MDFIC2: variants seen among roughly 807,000 people sequenced by gnomAD.
MDFIC2 encodes the protein MyoD family inhibitor domain containing 2.
intron 2 of MDFIC2, among the ~76,000 whole-genome samples, chr3:70,286,718 A>G (rs1327072926): frequency 1.3e-5 from 2 of 151,956 alleles, no homozygotes; most frequent in African/African-American, 4.8e-5. Flanking sequence ...ATTTCTTTTT[A>G]TCCTCTTTTA....
Position 70,235,854 on chromosome 3 carries a change from G to A in MDFIC2, c.89-29064C>T, listed in dbSNP as rs142065783. Among the ~76,000 whole-genome samples, 43 of 152,248 alleles carry A rather than the reference G, an allele frequency of 2.8e-4. No homozygotes were observed. In the East Asian group the frequency reaches 8.1e-3, roughly 29 times the overall value. Reference sequence around the variant, plus strand: ...TCAAAGGTTGATGTGCTACTTAAATGCCACAGCAAAGACAATACATGTTCA... The same window carrying A: ...TCAAAGGTTGATGTGCTACTTAAATACCACAGCAAAGACAATACATGTTCA... On this transcript the variant is annotated intron_variant, in intron 2 of 3. Coordinates refer to ENST00000567252, the MANE Select transcript of MDFIC2 (RefSeq NM_001364677.1).
At chr3:70,258,358 T>C (rs937445211) in intron 2 of MDFIC2, among the ~76,000 whole-genome samples, 1 of 151,984 alleles carries the variant, frequency 6.6e-6, no homozygotes, top group Non-Finnish European at 1.5e-5. Context: ...CGAGCATATA[T>C]GAAGAGAATA....
chr3:70,281,259 A>G (rs545660693), intron 2 of MDFIC2, among the ~76,000 whole-genome samples: 20 of 152,166 alleles, frequency 1.3e-4, no homozygotes, highest in Admixed American at 2.6e-4. Flanking sequence ...TCTTCAAGGT[A>G]ACCTCCCCAG....
At position 70,281,163 on chromosome 3, in the gene MDFIC2, C is replaced by T. The variant is rs551395940; in HGVS notation, c.88+30723G>A. ...GGGTAAAGAGGAAATTTTCTCTTGG[C>T]CCCTACAATTTTAGTGTAGTTGTCA... On this transcript the variant is annotated intron_variant, in intron 2 of 3. Transcript: ENST00000567252. Among the ~76,000 whole-genome samples, 25 of 152,184 alleles carry T rather than the reference C, an allele frequency of 1.6e-4. No individual in the cohort carries two copies. In the South Asian group the frequency reaches 4.2e-3, roughly 25 times the overall value.
intron 2 of MDFIC2, among the ~76,000 whole-genome samples, chr3:70,208,591 C>T (rs1280798285): frequency 6.6e-6 from 1 of 152,046 alleles, no homozygotes; most frequent in Non-Finnish European, 1.5e-5. Context: ...TGAAGCTCCT[C>T]AGGTGATTCC....
intron 2 of MDFIC2, among the ~76,000 whole-genome samples, chr3:70,222,768 A>C (rs560918357): frequency 6.6e-6 from 1 of 152,268 alleles, no homozygotes; most frequent in Admixed American, 6.5e-5. Context: ...GGTGCCTCCT[A>C]TTAAATAATT....
chr3:70,219,848 G>A (rs139308830), intron 2 of MDFIC2, among the ~76,000 whole-genome samples: 3 of 152,218 alleles, frequency 2.0e-5, no homozygotes, highest in Non-Finnish European at 4.4e-5. Flanking sequence ...AGAACATACA[G>A]ATCTCACCTA....
intron 2 of MDFIC2, among the ~76,000 whole-genome samples, chr3:70,292,388 T>G (rs1418452931): frequency 6.6e-6 from 1 of 152,198 alleles, no homozygotes; most frequent in African/African-American, 2.4e-5. Flanking sequence ...AAATCCACTA[T>G]GCCTGACACA....
intron 2 of MDFIC2, among the ~76,000 whole-genome samples, chr3:70,297,704 T>C (rs1304971846): frequency 1.3e-5 from 2 of 152,124 alleles, no homozygotes; most frequent in African/African-American, 4.8e-5. Context: ...AGCATTTGTT[T>C]ATTATTATTT....
Position 70,194,558 on chromosome 3 carries a change from T to C in MDFIC2, c.*2368A>G, listed in dbSNP as rs1241273605. Among the ~76,000 whole-genome samples the C allele has an allele frequency of 2.6e-5, 4 of 152,174 alleles. No individual in the cohort carries two copies. The highest frequency in any genetic ancestry group is 9.7e-5 in the African/African-American group (4 of 41,446). On this transcript the variant is annotated 3_prime_UTR_variant, in exon 4 of 4. Transcript: ENST00000567252. Reference sequence around the variant, plus strand: ...ACTTTGTATAACCGACCCTTTCTGTTATAGCACAGTGAATTCTGAAAGTGA... The same window carrying C: ...ACTTTGTATAACCGACCCTTTCTGTCATAGCACAGTGAATTCTGAAAGTGA...
At chr3:70,299,794 C>T (rs965250783) in intron 2 of MDFIC2, among the ~76,000 whole-genome samples, 3 of 152,096 alleles carry the variant, frequency 2.0e-5, no homozygotes, top group African/African-American at 7.2e-5. Flanking sequence ...TTTAGGTCCT[C>T]TCTACCTTCC....
At chr3:70,253,739 A>G (rs1255578144) in intron 2 of MDFIC2, among the ~76,000 whole-genome samples, 2 of 152,192 alleles carry the variant, frequency 1.3e-5, no homozygotes, top group African/African-American at 4.8e-5. Flanking sequence ...AAGTAAAAAT[A>G]CAAATAAAAA....
intron 2 of MDFIC2, among the ~76,000 whole-genome samples, chr3:70,212,676 A>G (rs373849054): frequency 5.3e-5 from 8 of 152,260 alleles, no homozygotes; most frequent in Admixed American, 3.3e-4. Flanking sequence ...TCAAAATTAT[A>G]CTTTGGACAA....
intron 2 of MDFIC2, chr3:70,249,600 C>G (rs1234870861): frequency 1.3e-5 from 2 of 151,952 alleles, no homozygotes; most frequent in Admixed American, 6.6e-5. Context: ...GCAGGTGCCC[C>G]TGCTGTGAAA....
intron 2 of MDFIC2, among the ~76,000 whole-genome samples, chr3:70,210,197 G>C (rs1701329756): frequency 6.6e-6 from 1 of 152,122 alleles, no homozygotes; most frequent in Admixed American, 6.6e-5. Flanking sequence ...ACAATTTTAA[G>C]TATAGCATTT....
intron 2 of MDFIC2, among the ~76,000 whole-genome samples, chr3:70,263,058 T>G (rs1701882097): frequency 6.6e-6 from 1 of 152,180 alleles, no homozygotes; most frequent in African/African-American, 2.4e-5. Flanking sequence ...GTAATTCATC[T>G]CTCTCTTTAT....
At chr3:70,293,715 A>AT (rs1486201079) in intron 2 of MDFIC2, among the ~76,000 whole-genome samples, 4 of 152,010 alleles carry the variant, frequency 2.6e-5, no homozygotes, top group Non-Finnish European at 5.9e-5. Flanking sequence ...AAGTAACAGG[A>AT]TTTTTTTAAA....
In MDFIC2 at chr3:70,268,691, T is replaced by G. The variant is rs189560183; in HGVS notation, c.88+43195A>C. 2.1e-3 allele frequency among the ~76,000 whole-genome samples: 317 copies of G among 152,340 alleles called. 2 individuals are homozygous for G. The highest frequency in any genetic ancestry group is 7.3e-3 in the African/African-American group (304 of 41,588). On this transcript the variant is annotated intron_variant, in intron 2 of 3. Coordinates refer to ENST00000567252, the MANE Select transcript of MDFIC2 (RefSeq NM_001364677.1). ...TTCTCTCTTCTTTTGTTTTTGCAGC[T>G]GATTTTTAAGAGCTTCTTTTTAAAA...
At chr3:70,239,197 G>A (rs1319428621) in intron 2 of MDFIC2, among the ~76,000 whole-genome samples, 3 of 152,156 alleles carry the variant, frequency 2.0e-5, no homozygotes, top group Non-Finnish European at 4.4e-5. Context: ...TGTTGAGTAC[G>A]TACTCAGTTC....
Sources: gnomAD v4.1 joint callset for allele counts (sites outside exome capture counted in the v4.1 genomes callset) on GRCh38, gnomAD v4.1.1 for gene constraint, MANE v1.5 for transcripts, NCBI Gene and HGNC (gene_info 2026-07-23, HGNC 2026-07-21) for gene names.